Variants in CFAP54 observed in about 807,000 individuals in gnomAD.
CFAP54 encodes the protein cilia- and flagella-associated protein 54.
In CFAP54, 290 loss-of-function variants were observed where a neutral mutation model predicts 370.4. The observed-to-expected ratio is 0.78, with a 90% CI of 0.71 to 0.86. The LOEUF is 0.86. Ranked by LOEUF, CFAP54 falls within the 40% of genes least tolerant of loss-of-function variation. The pLI is 0.00. For missense variants in CFAP54, 3,399 were observed against 3,528.7 expected (o/e 0.96, Z 0.93); for synonymous variants, 1,206 against 1,236.5 (o/e 0.98, Z 0.52).
chr12:96,850,524 A>G (rs1022429954), intron 66 of CFAP54, among the ~76,000 whole-genome samples: 2 of 151,868 alleles, frequency 1.3e-5, no homozygotes, highest in African/African-American at 4.8e-5. Flanking sequence ...CAGATTGGAG[A>G]GGGACATGTT....
At chr12:96,825,501 A>G (rs1466982192) in intron 65 of CFAP54, among the ~76,000 whole-genome samples, 5 of 105,634 alleles carry the variant, frequency 4.7e-5, no homozygotes, top group African/African-American at 1.4e-4. Context: ...TAACATACAT[A>G]ATTATATATT....
intron 50 of CFAP54, among the ~76,000 whole-genome samples, chr12:96,731,774 T>A (rs1352985632): frequency 6.6e-6 from 1 of 152,134 alleles, no homozygotes; most frequent in Non-Finnish European, 1.5e-5. Flanking sequence ...TTATGCATAA[T>A]GTTACAAAAT....
chr12:96,630,448 A>G, intron 31 of CFAP54, 103 bp from the exon 32 acceptor site: 1 of 669,434 alleles, frequency 1.5e-6, no homozygotes, highest in East Asian at 2.9e-5. Flanking sequence ...GATATAAACT[A>G]CTGTATTTCA....
chr12:96,718,865 C>T (rs1957716349), intron 49 of CFAP54, among the ~76,000 whole-genome samples: 4 of 152,144 alleles, frequency 2.6e-5, no homozygotes, highest in Admixed American at 2.0e-4. Context: ...ATGGAGAAAT[C>T]CTGTCTCTAC....
In CFAP54 at chr12:96,658,165, T is replaced by C. The variant is rs753437431; in HGVS notation, c.5325-46T>C. The C allele has an allele frequency of 3.2e-6, 5 of 1,581,364 alleles. No homozygotes were observed. In the African/African-American group the frequency reaches 6.9e-5, roughly 22 times the overall value. ...GACTTCATTGAAAAAAAAAAAAGTC[T>C]TTTAACTAATGTTTTCTTTTTAATG... On this transcript the variant is annotated intron_variant, in intron 37 of 67. Coordinates refer to ENST00000524981, the MANE Select transcript of CFAP54 (RefSeq NM_001306084.2).
At chr12:96,645,135 A>C (rs1042317790) in intron 33 of CFAP54, 27 of 456,470 alleles carry the variant, frequency 5.9e-5, no homozygotes, top group Non-Finnish European at 1.2e-4. Context: ...CCCAATGTCA[A>C]TTTTCTATCA....
At chr12:96,744,167 A>G in intron 55 of CFAP54, 21 bp downstream of exon 55, 1 of 1,585,994 alleles carries the variant, frequency 6.3e-7, no homozygotes, top group Non-Finnish European at 8.6e-7. Flanking sequence ...TTAAACTTAT[A>G]TTGCCCTAGA....
chr12:96,752,301 A>G (rs1211732192), intron 55 of CFAP54, among the ~76,000 whole-genome samples: 1 of 152,206 alleles, frequency 6.6e-6, no homozygotes. Context: ...GCTGCATTTT[A>G]TTTTTTAGCA....
chr12:96,554,696 A>T lies in CFAP54; in HGVS notation c.2304A>T (p.Gly768=). 3.3e-6 allele frequency: 5 copies of T among 1,533,954 alleles called. No homozygotes were observed. The highest frequency in any genetic ancestry group is 4.4e-6 in the Non-Finnish European group (5 of 1,145,618). Reference sequence around the variant, plus strand: ...CAAAGCGTACCCACCATATAGATGGAGATACTTACAAACCACTTGCCTCAA... The same window carrying T: ...CAAAGCGTACCCACCATATAGATGGTGATACTTACAAACCACTTGCCTCAA... The part of the protein sequence containing the change: ...CYAKRTHHID[G]DTYKPLASNS... Residue 768 remains glycine, a synonymous_variant, in exon 17 of 68, where the codon GGA becomes GGT. Coordinates refer to ENST00000524981, the MANE Select transcript of CFAP54 (RefSeq NM_001306084.2).
chr12:96,787,155 C>G (rs1371499196), intron 62 of CFAP54, among the ~76,000 whole-genome samples: 1 of 152,158 alleles, frequency 6.6e-6, no homozygotes, highest in Non-Finnish European at 1.5e-5. Context: ...TATTCCTGCA[C>G]AAAACAGCAT....
At chr12:96,643,203 CA>C (rs1056846992) in intron 32 of CFAP54, among the ~76,000 whole-genome samples, 3 of 151,968 alleles carry the variant, frequency 2.0e-5, no homozygotes, top group African/African-American at 7.3e-5. Flanking sequence ...TAAACAATGA[CA>C]AAAAAACCCT....
intron 50 of CFAP54, among the ~76,000 whole-genome samples, chr12:96,721,698 T>C (rs374560403): frequency 1.3e-5 from 2 of 152,204 alleles, no homozygotes; most frequent in African/African-American, 2.4e-5. Flanking sequence ...ACTTTCAATA[T>C]GCTAGGCACT....
intron 66 of CFAP54, among the ~76,000 whole-genome samples, chr12:96,847,406 A>G (rs1346527509): frequency 1.3e-5 from 2 of 152,052 alleles, no homozygotes; most frequent in East Asian, 3.9e-4. Flanking sequence ...ATGCGTTTTT[A>G]TGGAAGTTTT....
At position 96,620,220 on chromosome 12, in the gene CFAP54, T is replaced by C. The variant is rs113381788; in HGVS notation, c.3640-1370T>C. Among the ~76,000 whole-genome samples, 642 of 152,292 alleles carry C rather than the reference T, an allele frequency of 4.2e-3. 8 individuals carry two copies. The highest frequency in any genetic ancestry group is 0.014 in the African/African-American group (594 of 41,572). ...CCTTCCCTGCATGAGAAGTAACAGTTGTTATTTATTGATATGGTTTGACTG... is the reference window on the plus strand; with the variant it reads ...CCTTCCCTGCATGAGAAGTAACAGTCGTTATTTATTGATATGGTTTGACTG... On this transcript the variant is annotated intron_variant, in intron 26 of 67. Coordinates refer to ENST00000524981, the MANE Select transcript of CFAP54 (RefSeq NM_001306084.2).
chr12:96,738,343 A>G (rs973138082), intron 50 of CFAP54, among the ~76,000 whole-genome samples: 2 of 152,160 alleles, frequency 1.3e-5, no homozygotes, highest in Non-Finnish European at 2.9e-5. Flanking sequence ...GTAGCAAAGT[A>G]CCAAAAACTG....
At chr12:96,854,729 A>G (rs1479916004) in intron 66 of CFAP54, among the ~76,000 whole-genome samples, 4 of 152,222 alleles carry the variant, frequency 2.6e-5, no homozygotes, top group African/African-American at 9.6e-5. Flanking sequence ...GCCAGGTACC[A>G]TTCTATGTTT....
chr12:96,711,887 G>A (rs1957619535), intron 48 of CFAP54, among the ~76,000 whole-genome samples: 1 of 152,164 alleles, frequency 6.6e-6, no homozygotes, highest in Middle Eastern at 3.4e-3. Flanking sequence ...TTCATGTACT[G>A]GTGATAGACA....
In CFAP54 at chr12:96,626,928, C is replaced by T. The variant is rs1381039036; in HGVS notation, c.4092C>T (p.Asp1364=). 2.2e-6 allele frequency: 3 copies of T among 1,371,804 alleles called. No homozygotes were observed. The South Asian group carries it at 5.4e-5, about 25-fold the overall frequency. The allele number at this position is 1,371,804 out of a possible 1,614,324, so 85.0% of individuals were successfully genotyped here. A position where few individuals can be genotyped will look rare whatever the true frequency, so the allele number is the denominator to read the frequency against. ...TAGAGGTAACAACTCCTGTCCATGA[C>T]TTCTTGAAAAGGTACTTGCAATTAT... ...LMVEVTTPVH[D]FLKRRNESLL... is the part of the protein sequence containing the mutation. The change falls in exon 30 of 68, where the codon GAC becomes GAT. Residue 1364 remains aspartate (D), a synonymous_variant. Transcript: ENST00000524981.
Position 96,760,239 on chromosome 12 carries a change from C to G in CFAP54, c.8040+2651C>G, listed in dbSNP as rs1196022802. Reference sequence around the variant, plus strand: ...CTCCAAGTAGTTATGTGGGAGAAAACAGTCCACAGAGAGATCAGCATGCAT... The same window carrying G: ...CTCCAAGTAGTTATGTGGGAGAAAAGAGTCCACAGAGAGATCAGCATGCAT... On this transcript the variant is annotated intron_variant, in intron 58 of 67. Coordinates refer to ENST00000524981, the MANE Select transcript of CFAP54 (RefSeq NM_001306084.2). 2.0e-5 allele frequency among the ~76,000 whole-genome samples: 3 copies of G among 152,046 alleles called. No homozygotes were observed. In the South Asian group the frequency reaches 6.2e-4, roughly 32 times the overall value.
Sources: gnomAD v4.1 joint callset for allele counts (sites outside exome capture counted in the v4.1 genomes callset) on GRCh38, gnomAD v4.1.1 for gene constraint, MANE v1.5 for transcripts, NCBI Gene and HGNC (gene_info 2026-07-23, HGNC 2026-07-21) for gene names.